SMYD2: variants seen among roughly 807,000 people sequenced by gnomAD.
The protein encoded by SMYD2 is N-lysine methyltransferase SMYD2.
Under a neutral mutation model 59.1 loss-of-function variants are expected in SMYD2, and 53 were observed. The observed-to-expected ratio is 0.90, with a 90% CI of 0.72 to 1.13. SMYD2 has a LOEUF of 1.13. SMYD2 is among the 50% of genes most tolerant of loss of function. The pLI is 0.00. For missense variants in SMYD2, 494 were observed against 544.7 expected (o/e 0.91, Z 0.93); for synonymous variants, 208 against 198.8 (o/e 1.05, Z -0.39).
At chr1:214,305,313 A>G in intron 2 of SMYD2, 63 bp downstream of exon 2, 2 of 1,465,558 alleles carry the variant, frequency 1.4e-6, no homozygotes, top group Non-Finnish European at 1.9e-6. Flanking sequence ...CTTCCTTGTC[A>G]TGGCATTCCT....
At chr1:214,291,577 C>G (rs1189010110) in intron 1 of SMYD2, among the ~76,000 whole-genome samples, 3 of 152,196 alleles carry the variant, frequency 2.0e-5, no homozygotes, top group Admixed American at 6.5e-5. Flanking sequence ...TTATTGGGCT[C>G]TCATTTTGAA....
At chr1:214,324,127 G>T (rs188088604) in intron 5 of SMYD2, among the ~76,000 whole-genome samples, 2 of 152,064 alleles carry the variant, frequency 1.3e-5, no homozygotes, top group Non-Finnish European at 2.9e-5. Context: ...AGTAGAGATG[G>T]GGTTTCTCCA....
At chr1:214,288,897 T>C (rs1351553597) in intron 1 of SMYD2, among the ~76,000 whole-genome samples, 2 of 152,004 alleles carry the variant, frequency 1.3e-5, no homozygotes, top group Non-Finnish European at 2.9e-5. Flanking sequence ...TATAAAGAGT[T>C]TGTTTCTGTG....
chr1:214,302,300 T>C (rs66840032), intron 1 of SMYD2, among the ~76,000 whole-genome samples: 15,855 of 151,054 alleles, frequency 0.1, 1,072 homozygotes, highest in Middle Eastern at 0.2. Flanking sequence ...GATCATGCCA[T>C]TGCACTCAAG....
chr1:214,298,490 G>A (rs1656768334), intron 1 of SMYD2, among the ~76,000 whole-genome samples: 1 of 152,148 alleles, frequency 6.6e-6, no homozygotes, highest in Non-Finnish European at 1.5e-5. Context: ...CATTGGCCTT[G>A]GCAAAGGACT....
intron 1 of SMYD2, among the ~76,000 whole-genome samples, chr1:214,298,810 G>A (rs1656773627): frequency 6.6e-6 from 1 of 152,198 alleles, no homozygotes; most frequent in South Asian, 2.1e-4. Flanking sequence ...AAACCACGAT[G>A]AGAAACCATC....
At chr1:214,327,489 T>G in intron 6 of SMYD2, 133 bp from the exon 7 acceptor site, 1 of 688,636 alleles carries the variant, frequency 1.5e-6, no homozygotes. Context: ...TAGAATGTGA[T>G]AGCCAACTAT....
intron 1 of SMYD2, among the ~76,000 whole-genome samples, chr1:214,286,477 TAAA>T (rs1656547891): frequency 6.6e-6 from 1 of 151,228 alleles, no homozygotes; most frequent in Non-Finnish European, 1.5e-5. Context: ...TTAAAAAAAA[TAAA>T]AAAGTGTGGA....
chr1:214,299,206 A>C (rs929226470), intron 1 of SMYD2, among the ~76,000 whole-genome samples: 11 of 152,184 alleles, frequency 7.2e-5, no homozygotes, highest in Admixed American at 7.2e-4. Context: ...GTGGAGAAAA[A>C]GGAACGCTTA....
intron 1 of SMYD2, among the ~76,000 whole-genome samples, chr1:214,299,842 G>A (rs933128184): frequency 1.3e-5 from 2 of 152,136 alleles, no homozygotes; most frequent in Non-Finnish European, 2.9e-5. Context: ...TCCTGACCTC[G>A]TGATCTCCCC....
chr1:214,302,314 G>T (rs1169538781), intron 1 of SMYD2, among the ~76,000 whole-genome samples: 2 of 150,076 alleles, frequency 1.3e-5, no homozygotes, highest in African/African-American at 5.0e-5. Context: ...ACTCAAGCCT[G>T]GGCAACAGAG....
At chr1:214,310,688 A>C (rs909523224) in intron 2 of SMYD2, among the ~76,000 whole-genome samples, 6 of 152,202 alleles carry the variant, frequency 3.9e-5, no homozygotes, top group Admixed American at 2.6e-4. Flanking sequence ...TACTGCCAGT[A>C]TTCAAAAATA....
In SMYD2 at chr1:214,330,292, T is replaced by C. The variant is rs777072005; in HGVS notation, c.816+14T>C. On this transcript the variant is annotated intron_variant, in intron 8 of 11. Coordinates refer to ENST00000366957, the MANE Select transcript of SMYD2 (RefSeq NM_020197.3). The stretch of plus-strand genomic sequence containing the variant: ...ACCAAGGACAAGGTAAGGTTGTTCA[T>C]TGGGCAAGAGCGCTGACTGCACTCT... 41 of 1,576,894 alleles carry C rather than the reference T, an allele frequency of 2.6e-5. No homozygotes were observed. The highest frequency in any genetic ancestry group is 3.4e-5 in the South Asian group (3 of 88,868).
chr1:214,335,695 TAAC>T (rs1287627134), intron 11 of SMYD2, among the ~76,000 whole-genome samples: 2 of 152,206 alleles, frequency 1.3e-5, no homozygotes, highest in African/African-American at 4.8e-5. Context: ...GTATCTGAAT[TAAC>T]AACCCTGAGA....
chr1:214,296,563 A>G (rs1489227146), intron 1 of SMYD2, among the ~76,000 whole-genome samples: 1 of 152,242 alleles, frequency 6.6e-6, no homozygotes, highest in Non-Finnish European at 1.5e-5. Context: ...ACAAAGACTA[A>G]TTAAAAGTGT....
chr1:214,288,117 A>G (rs1656579990), intron 1 of SMYD2, among the ~76,000 whole-genome samples: 1 of 152,252 alleles, frequency 6.6e-6, no homozygotes, highest in Admixed American at 6.5e-5. Flanking sequence ...TAAAACCACC[A>G]TCTAACACCT....
At chr1:214,283,676 G>A (rs374630952) in intron 1 of SMYD2, among the ~76,000 whole-genome samples, 12 of 152,262 alleles carry the variant, frequency 7.9e-5, no homozygotes, top group Admixed American at 3.3e-4. Context: ...TGAGGGGAAC[G>A]TGTATTTTCC....
At position 214,305,198 on chromosome 1, in the gene SMYD2, T is replaced by A; in HGVS notation, c.185T>A (p.Leu62Ter). The A allele has an allele frequency of 6.2e-7, 1 of 1,614,216 alleles. No individual in the cohort carries two copies. Among genetic ancestry groups the A allele is most frequent in the Non-Finnish European group, 8.5e-7 (1 of 1,180,018 alleles). Residue 62 changes from leucine to a stop codon, truncating the protein, a stop_gained, in exon 2 of 12, where the codon TTG (leucine) becomes TAG (stop). Coordinates refer to ENST00000366957, the MANE Select transcript of SMYD2 (RefSeq NM_020197.3). LOFTEE classifies it high-confidence loss of function. Reference protein sequence around the residue: ...CEYCFTRKEGLSKCGRCKQAF... With the variant: ...CEYCFTRKEG ...TTTCTGTTTTTAAGGAAAGAAGGAT[T>A]GTCCAAATGTGGAAGATGCAAGCAG...
rs754074404 is a variant in SMYD2 at position 214,318,125 on chromosome 1, A to G, written c.395A>G (p.Lys132Arg). ...CCTTCGGAAAAATTGTTAGCTGTGA[A>G]GGAGTTTGAATCACGTAAGTCTTTC... Reference protein sequence around the residue: ...RTPSEKLLAVKEFESHLDKLD... With the variant: ...RTPSEKLLAVREFESHLDKLD... The change falls in exon 4 of 12, where the codon AAG (lysine) becomes AGG (arginine). Residue 132 changes from lysine to arginine, a missense_variant. Coordinates refer to ENST00000366957, the MANE Select transcript of SMYD2 (RefSeq NM_020197.3). The surrounding 1 kb of genome is among the most constrained non-coding windows in gnomAD (Gnocchi z 5.4). 1.2e-6 allele frequency: 2 copies of G among 1,613,964 alleles called. No individual in the cohort carries two copies. Among genetic ancestry groups the G allele is most frequent in the Non-Finnish European group, 1.7e-6 (2 of 1,180,000 alleles).
Sources: allele counts gnomAD v4.1 joint callset (sites outside exome capture counted in the v4.1 genomes callset), GRCh38; gene constraint gnomAD v4.1.1; non-coding constraint Gnocchi (gnomAD v3.1); transcripts MANE v1.5; gene names NCBI Gene and HGNC (gene_info 2026-07-23, HGNC 2026-07-21).